Variants in AKAP9 observed in about 807,000 individuals in gnomAD.
AKAP9 encodes the protein A-kinase anchoring protein 9, also known as A-kinase anchor protein 9.
AKAP9 carries 311 observed loss-of-function variants against 488.5 expected under a neutral mutation model. That is an observed-to-expected ratio of 0.64 (90% confidence interval 0.58 to 0.70). The LOEUF (loss-of-function observed/expected upper bound fraction) is 0.70, where lower values mean the gene tolerates loss of function less well. AKAP9 is among the 30% of genes least tolerant of loss of function. The pLI, the probability that AKAP9 is intolerant of heterozygous loss-of-function variation, is 0.00. For synonymous variants in AKAP9, 1,462 were observed against 1,483.5 expected (o/e 0.99, Z 0.33); for missense variants, 4,215 against 4,374.5 (o/e 0.96, Z 1.03).
chr7:92,077,982 A>T, intron 30 of AKAP9, 107 bp downstream of exon 30: 1 of 641,298 alleles, frequency 1.6e-6, no homozygotes, highest in East Asian at 3.5e-5. Context: ...AACCAATTTT[A>T]TTTTATTTTA....
intron 12 of AKAP9, among the ~76,000 whole-genome samples, chr7:92,017,796 CTT>C (rs1356589931): frequency 1.3e-5 from 2 of 152,166 alleles, no homozygotes; most frequent in African/African-American, 4.8e-5. Flanking sequence ...CTCTCCCCTT[CTT>C]TCTTTCCCTC....
chr7:92,028,362 T>A (rs1288909149), intron 14 of AKAP9, among the ~76,000 whole-genome samples: 2 of 146,986 alleles, frequency 1.4e-5, no homozygotes, highest in African/African-American at 5.1e-5. Flanking sequence ...CTTTTTGGAG[T>A]TTAGATCATA....
chr7:92,008,472 G>A (rs1800240068), intron 8 of AKAP9, among the ~76,000 whole-genome samples: 1 of 152,086 alleles, frequency 6.6e-6, no homozygotes, highest in South Asian at 2.1e-4. Flanking sequence ...TGGATCACGA[G>A]GCCAGGAGAT....
chr7:92,047,429 G>C (rs1807191146), intron 21 of AKAP9, among the ~76,000 whole-genome samples: 1 of 152,168 alleles, frequency 6.6e-6, no homozygotes, highest in African/African-American at 2.4e-5. Context: ...ATGTTAGCCA[G>C]GCTGGTTTCG....
chr7:92,057,596 A>G (rs1056955178), intron 22 of AKAP9: 8 of 189,670 alleles, frequency 4.2e-5, no homozygotes, highest in East Asian at 1.7e-4. Context: ...ATGAGAGGCT[A>G]TTTGAATAGC....
intron 39 of AKAP9, among the ~76,000 whole-genome samples, chr7:92,094,301 GCAGGTGGATCACCTGAGGT>G (rs1563133747): frequency 6.7e-6 from 1 of 150,306 alleles, no homozygotes; most frequent in African/African-American, 2.4e-5. Flanking sequence ...GGAGGCCAAG[GCAGGTGGATCACCTGAGGT>G]CAGGAGTTCA....
intron 1 of AKAP9, among the ~76,000 whole-genome samples, chr7:91,941,543 G>A (rs1186996075): frequency 6.6e-6 from 1 of 152,106 alleles, no homozygotes; most frequent in Non-Finnish European, 1.5e-5. Flanking sequence ...TTTCTTTATT[G>A]GGTTGGGGAT....
chr7:92,028,295 T>TAAAAAAAA (rs57352733), intron 14 of AKAP9, among the ~76,000 whole-genome samples: 16 of 65,080 alleles, frequency 2.5e-4, no homozygotes, highest in South Asian at 8.3e-4. Context: ...CAATAAATAC[T>TAAAAAAAA]AAAAAAAAAA....
rs760376218 is a variant in AKAP9, at chr7:92,052,826, A to G, written c.5469A>G (p.Gln1823=). 1 of 1,613,862 alleles carries G rather than the reference A, an allele frequency of 6.2e-7. No homozygotes were observed. The highest frequency in any genetic ancestry group is 8.5e-7 in the Non-Finnish European group (1 of 1,179,854). Residue 1823 remains glutamine, a synonymous_variant, in exon 22 of 50, where the codon CAA becomes CAG. Transcript: ENST00000356239. ...CTGAGGAAGGAACAGAGCTGTCACA[A>G]CGACTTGTGAGGAGTGGTTTTGCTG... ...KVTEEGTELS[Q]RLVRSGFAGT...
intron 8 of AKAP9, among the ~76,000 whole-genome samples, chr7:92,005,688 C>G (rs1350078556): frequency 6.6e-6 from 1 of 151,886 alleles, no homozygotes; most frequent in Non-Finnish European, 1.5e-5. Context: ...GTTTTTGAGA[C>G]CGAGTCTCAC....
chr7:92,012,377 A>G (rs1341791888), intron 8 of AKAP9, 52 bp from the exon 9 acceptor site: 2 of 1,503,206 alleles, frequency 1.3e-6, no homozygotes, highest in Non-Finnish European at 1.8e-6. Context: ...AAGTTAAATT[A>G]TTTGATTTGT....
chr7:91,971,669 G>A (rs1159876206), intron 1 of AKAP9, among the ~76,000 whole-genome samples: 2 of 140,398 alleles, frequency 1.4e-5, no homozygotes, highest in South Asian at 2.4e-4. Context: ...CCGGGTTCAC[G>A]CCATTCTCCT....
intron 32 of AKAP9, 65 bp from the exon 33 acceptor site, chr7:92,083,105 A>C: frequency 6.4e-7 from 1 of 1,573,848 alleles, no homozygotes; most frequent in Non-Finnish European, 8.7e-7. Flanking sequence ...ACACCCTTTA[A>C]ATTCTACATT....
intron 1 of AKAP9, among the ~76,000 whole-genome samples, chr7:91,943,736 A>G (rs1164044227): frequency 6.6e-6 from 1 of 152,254 alleles, no homozygotes; most frequent in East Asian, 1.9e-4. Context: ...AGAATGATTA[A>G]TGAGTCATTA....
In AKAP9 at chr7:92,083,386, C is replaced by G. The variant is rs1457668786; in HGVS notation, c.8377C>G (p.Gln2793Glu). The G allele has an allele frequency of 6.2e-7, 1 of 1,613,978 alleles. No homozygotes were observed. Among genetic ancestry groups the G allele is most frequent in the South Asian group, 1.1e-5 (1 of 91,088 alleles). The change falls in exon 33 of 50, where the codon CAG becomes GAG. Residue 2793 changes from glutamine (Q) to glutamate (E), a missense_variant. Gln to Glu is a conservative substitution (Grantham distance 29, BLOSUM62 2). This residue lies in a region of AKAP9 where 1,476 missense variants were observed against 1,477.4 expected (regional missense o/e 1.00). Transcript: ENST00000356239. ...DGTLKISSSN[Q>E]TPQILVKNAG... is the part of the protein sequence containing the mutation. ...GACTCTGAAGATCAGTAGCAGCAAT[C>G]AGACTCCACAAATTCTTGTTAAAAA... is the stretch of plus-strand genomic sequence containing the variant.
At chr7:92,042,280 A>G in intron 19 of AKAP9, 94 bp downstream of exon 19, 7 of 1,525,584 alleles carry the variant, frequency 4.6e-6, no homozygotes, top group Non-Finnish European at 5.4e-6. Context: ...ATTCTTTTAT[A>G]GGTACTGAGC....
At chr7:92,104,439 C>A (rs1563156220) in intron 46 of AKAP9, among the ~76,000 whole-genome samples, 1 of 152,150 alleles carries the variant, frequency 6.6e-6, no homozygotes, top group Non-Finnish European at 1.5e-5. Flanking sequence ...GATCCGCCCG[C>A]CTCGGCCTCC....
chr7:92,003,314 C>A, intron 8 of AKAP9, 79 bp downstream of exon 8: 2 of 1,063,318 alleles, frequency 1.9e-6, no homozygotes, highest in South Asian at 1.3e-5. Flanking sequence ...CTTCATAGAA[C>A]ATAAGTTCAT....
Position 92,022,311 on chromosome 7 carries a change from T to A in AKAP9, c.3911T>A (p.Phe1304Tyr). Reference sequence around the variant, plus strand: ...AACCTTCCAAAAGAGGAAACAGAGTTTTTATCAATCCATTCTCAGATGACC... The same window carrying A: ...AACCTTCCAAAAGAGGAAACAGAGTATTTATCAATCCATTCTCAGATGACC... The part of the protein sequence containing the change: ...EENLPKEETE[F>Y]LSIHSQMTNL... Residue 1304 changes from phenylalanine to tyrosine, a missense_variant, in exon 13 of 50, where the codon TTT becomes TAT. Transcript: ENST00000356239. The A allele has an allele frequency of 6.2e-7, 1 of 1,613,506 alleles. No individual in the cohort carries two copies. The highest frequency in any genetic ancestry group is 8.5e-7 in the Non-Finnish European group (1 of 1,179,560).
Sources: allele counts gnomAD v4.1 joint callset (sites outside exome capture counted in the v4.1 genomes callset), GRCh38; gene constraint gnomAD v4.1.1; regional missense constraint gnomAD v4.1.1; transcripts MANE v1.5; gene names NCBI Gene and HGNC (gene_info 2026-07-23, HGNC 2026-07-21).